Variants in UGT1A8 observed in about 807,000 individuals in gnomAD.
UGT1A8 encodes the protein UDP-glucuronosyltransferase 1A8.
Under a neutral mutation model 45.3 loss-of-function variants are expected in UGT1A8, and 39 were observed. That is an observed-to-expected ratio of 0.86 (90% CI 0.67 to 1.12). The LOEUF is 1.12. Among genes scored for constraint, UGT1A8 ranks in the 50% most tolerant of loss-of-function variants. The probability of loss-of-function intolerance (pLI) is 0.00; values close to 1 mark genes in which losing one functional copy is unlikely to be tolerated. For missense variants in UGT1A8, 719 were observed against 664.9 expected, an observed-to-expected ratio of 1.08 and a Z score of -0.90; for synonymous variants, 275 against 249.2, an observed-to-expected ratio of 1.10 and a Z score of -0.97.
At chr2:233,689,251 A>G (rs970347387) in intron 1 of UGT1A8, among the ~76,000 whole-genome samples, 1 of 152,194 alleles carries the variant, frequency 6.6e-6, no homozygotes, top group African/African-American at 2.4e-5. Context: ...AGTGATTCAG[A>G]CTTGACTATT....
intron 1 of UGT1A8, among the ~76,000 whole-genome samples, chr2:233,662,386 T>C (rs1319448378): frequency 2.0e-5 from 3 of 152,210 alleles, no homozygotes; most frequent in Admixed American, 6.5e-5. Context: ...TTTTCTAATA[T>C]ATTTATTGCA....
chr2:233,758,140 G>T (rs572849917), intron 1 of UGT1A8, among the ~76,000 whole-genome samples: 1 of 152,274 alleles, frequency 6.6e-6, no homozygotes, highest in East Asian at 1.9e-4. Context: ...GGCAGATGAG[G>T]GAATTAGCAA....
chr2:233,649,420 A>G (rs1398807350), intron 1 of UGT1A8, among the ~76,000 whole-genome samples: 1 of 152,222 alleles, frequency 6.6e-6, no homozygotes, highest in African/African-American at 2.4e-5. Context: ...TTCATTTTTA[A>G]CTAACCTGTA....
Position 233,635,677 on chromosome 2 carries a change from G to A in UGT1A8, c.855+17115G>A, listed in dbSNP as rs933574319. Reference sequence around the variant, plus strand: ...AAAGAAGGGTAAAAACACAGAGATGGCATCACCTCTGACTTCCAGGAGTCC... The same window carrying A: ...AAAGAAGGGTAAAAACACAGAGATGACATCACCTCTGACTTCCAGGAGTCC... On this transcript the variant is annotated intron_variant, in intron 1 of 4. Transcript: ENST00000373450. 5.3e-5 allele frequency among the ~76,000 whole-genome samples: 8 copies of A among 150,862 alleles called. 1 individual carries two copies. The highest frequency in any genetic ancestry group is 2.0e-4 in the African/African-American group (8 of 40,752).
At chr2:233,655,214 G>A (rs529148294) in intron 1 of UGT1A8, among the ~76,000 whole-genome samples, 1 of 152,212 alleles carries the variant, frequency 6.6e-6, no homozygotes, top group Non-Finnish European at 1.5e-5. Flanking sequence ...TGACTAATTT[G>A]TGATCACCAG....
chr2:233,634,668 C>CAGCAAATGATACTCG (rs1559316927), intron 1 of UGT1A8, among the ~76,000 whole-genome samples: 1 of 151,492 alleles, frequency 6.6e-6, no homozygotes, highest in Non-Finnish European at 1.5e-5. Context: ...AAATATTCCT[C>CAGCAAATGATACTCG]TATCCCTTTA....
At chr2:233,681,416 C>T (rs1050679967) in intron 1 of UGT1A8, among the ~76,000 whole-genome samples, 1 of 151,512 alleles carries the variant, frequency 6.6e-6, no homozygotes, top group African/African-American at 2.4e-5. Context: ...CGCCTGTAAT[C>T]CCAGCTACTG....
At chr2:233,672,064 G>T in intron 1 of UGT1A8, 2 of 1,614,154 alleles carry the variant, frequency 1.2e-6, no homozygotes, top group Non-Finnish European at 1.7e-6. Context: ...CATGAGGTCG[G>T]TGGTGGAGAA....
At chr2:233,643,109 C>T (rs1276929156) in intron 1 of UGT1A8, among the ~76,000 whole-genome samples, 1 of 152,206 alleles carries the variant, frequency 6.6e-6, no homozygotes, top group Non-Finnish European at 1.5e-5. Flanking sequence ...GGTGATACAG[C>T]CAGCCAGACC....
chr2:233,703,303 AT>A (rs1225306249), intron 1 of UGT1A8, among the ~76,000 whole-genome samples: 1 of 148,452 alleles, frequency 6.7e-6, no homozygotes, highest in Non-Finnish European at 1.5e-5. Context: ...TCCCTCTTTC[AT>A]TTCATATTTT....
intron 1 of UGT1A8, among the ~76,000 whole-genome samples, chr2:233,686,935 T>G (rs2074813266): frequency 6.6e-6 from 1 of 152,204 alleles, no homozygotes; most frequent in Non-Finnish European, 1.5e-5. Flanking sequence ...GGCTGACTCA[T>G]GCAGGGAAGC....
At chr2:233,653,011 A>G (rs1319814918) in intron 1 of UGT1A8, among the ~76,000 whole-genome samples, 1 of 152,210 alleles carries the variant, frequency 6.6e-6, no homozygotes, top group African/African-American at 2.4e-5. Context: ...CTATCGAGAG[A>G]GTGAAAAGTG....
rs761758549 is a variant in UGT1A8, at chr2:233,636,952, G to A, written c.855+18390G>A. 5 of 1,613,980 alleles carry A rather than the reference G, an allele frequency of 3.1e-6. No individual in the cohort carries two copies. In the South Asian group the frequency reaches 3.3e-5, roughly 11 times the overall value. ...ATACTTAAAGGAGAGTTCTTTTGAT[G>A]CAGTGTTTCTGGATCCTTTTGATAC... On this transcript the variant is annotated intron_variant, in intron 1 of 4. Coordinates refer to ENST00000373450, the MANE Select transcript of UGT1A8 (RefSeq NM_019076.5).
chr2:233,698,256 C>T (rs987138745), intron 1 of UGT1A8, among the ~76,000 whole-genome samples: 2 of 151,944 alleles, frequency 1.3e-5, no homozygotes, highest in South Asian at 4.1e-4. Context: ...TTCTTTTGTC[C>T]AATAATCAAA....
chr2:233,713,168 G>T (rs773495849), intron 1 of UGT1A8: 1 of 1,614,094 alleles, frequency 6.2e-7, no homozygotes, highest in Non-Finnish European at 8.5e-7. Context: ...ACCAGGTGGT[G>T]GTCCTCACCC....
chr2:233,760,923 C>G, intron 1 of UGT1A8: 1 of 1,614,214 alleles, frequency 6.2e-7, no homozygotes, highest in Non-Finnish European at 8.5e-7. Flanking sequence ...GGGTGAAGAA[C>G]ATGCTCATTG....
Position 233,760,677 on chromosome 2 carries a change from A to T in UGT1A8, c.856-6357A>T, listed in dbSNP as rs555950591. 1.9e-6 allele frequency: 3 copies of T among 1,614,148 alleles called. No individual in the cohort carries two copies. The African/African-American group carries it at 4.0e-5, about 22-fold the overall frequency. On this transcript the variant is annotated intron_variant, in intron 1 of 4. Transcript: ENST00000373450. ...TGCTTTTGTCTGGCTGTTCCCACTT[A>T]CTGCACAACAAGGAGCTCATGGCCT...
chr2:233,766,003 G>A (rs1430572640), intron 1 of UGT1A8, among the ~76,000 whole-genome samples: 1 of 152,074 alleles, frequency 6.6e-6, no homozygotes, highest in Non-Finnish European at 1.5e-5. Flanking sequence ...AGTGGGCGTG[G>A]GTTATGGCCT....
At chr2:233,659,355 T>C (rs2073920838) in intron 1 of UGT1A8, among the ~76,000 whole-genome samples, 3 of 152,174 alleles carry the variant, frequency 2.0e-5, no homozygotes, top group Non-Finnish European at 2.9e-5. Context: ...ATAACGTAAA[T>C]AGCCAATGAA....
Sources: gnomAD v4.1 joint callset for allele counts (sites outside exome capture counted in the v4.1 genomes callset) on GRCh38, gnomAD v4.1.1 for gene constraint, MANE v1.5 for transcripts, NCBI Gene and HGNC (gene_info 2026-07-23, HGNC 2026-07-21) for gene names.